HLCS: variants seen among roughly 807,000 people sequenced by gnomAD.
HLCS encodes holocarboxylase synthetase, also known as biotin--protein ligase.
HLCS carries 53 observed loss-of-function variants against 75.0 expected under a neutral mutation model. The ratio of observed to expected loss-of-function variants is 0.71; its 90% CI spans 0.57 to 0.89. The LOEUF (loss-of-function observed/expected upper bound fraction) is 0.89. Ranked by LOEUF, HLCS falls within the 40% of genes least tolerant of loss-of-function variation. The probability of loss-of-function intolerance (pLI) is 0.00; values close to 1 mark genes in which losing one functional copy is unlikely to be tolerated. For missense variants in HLCS, 966 were observed against 1,074.0 expected (o/e 0.90, Z 1.41); for synonymous variants, 431 against 428.6 (o/e 1.01, Z -0.07).
intron 1 of HLCS, among the ~76,000 whole-genome samples, chr21:36,984,938 G>C (rs1181494231): frequency 1.3e-5 from 2 of 151,180 alleles, no homozygotes; most frequent in Non-Finnish European, 2.9e-5. Flanking sequence ...ACCTTGGAAA[G>C]CAACAGCACA....
rs1039383789 is a variant in HLCS at position 36,950,934 on chromosome 21, T to G, written c.330+11102A>C. Among the ~76,000 whole-genome samples the G allele has an allele frequency of 3.3e-5, 5 of 152,290 alleles. No homozygotes were observed. The South Asian group carries it at 1.0e-3, about 32-fold the overall frequency. Reference sequence around the variant, plus strand: ...TTCTGGGCCCTTGTGTAACTTCAGCTCTAGTCCTTGTGCTGACACCATTGG... The same window carrying G: ...TTCTGGGCCCTTGTGTAACTTCAGCGCTAGTCCTTGTGCTGACACCATTGG... On this transcript the variant is annotated intron_variant, in intron 2 of 10. Transcript: ENST00000674895.
intron 6 of HLCS, among the ~76,000 whole-genome samples, chr21:36,834,205 T>C (rs920806347): frequency 1.3e-5 from 2 of 152,176 alleles, no homozygotes; most frequent in Non-Finnish European, 1.5e-5. Context: ...ACACTGCAGC[T>C]CTTCATGAAT....
At chr21:36,935,454 A>G (rs2066836122) in intron 4 of HLCS, among the ~76,000 whole-genome samples, 1 of 152,224 alleles carries the variant, frequency 6.6e-6, no homozygotes, top group South Asian at 2.1e-4. Flanking sequence ...CTTAGCTTCC[A>G]GGAGAACTGG....
At chr21:36,952,531 C>T (rs1313786246) in intron 2 of HLCS, among the ~76,000 whole-genome samples, 2 of 152,116 alleles carry the variant, frequency 1.3e-5, no homozygotes, top group Non-Finnish European at 2.9e-5. Context: ...CGGTGGCTCA[C>T]GCCCGTAATC....
chr21:36,795,939 TC>T (rs1299381689), intron 6 of HLCS, among the ~76,000 whole-genome samples: 1 of 152,276 alleles, frequency 6.6e-6, no homozygotes, highest in Non-Finnish European at 1.5e-5. Flanking sequence ...TAGAAAAGCA[TC>T]TTTTTAATTT....
chr21:36,754,129 A>G lies in HLCS; in HGVS notation c.*117T>C, dbSNP rs2089462692. 8.9e-7 allele frequency: 1 copy of G among 1,123,590 alleles called. No homozygotes were observed. Among genetic ancestry groups the G allele is most frequent in the Non-Finnish European group, 1.3e-6 (1 of 772,760 alleles). The allele number at this position is 1,123,590 out of a possible 1,614,324, so 69.6% of individuals were successfully genotyped here. ...ACCTAAAAACAAACAGAAACACAGA[A>G]AAAGAACAAAGACTTAACAAATGAA... On this transcript the variant is annotated 3_prime_UTR_variant, in exon 11 of 11. Transcript: ENST00000674895.
At chr21:36,880,207 T>C (rs758505692) in intron 6 of HLCS, among the ~76,000 whole-genome samples, 32 of 152,148 alleles carry the variant, frequency 2.1e-4, no homozygotes, top group Non-Finnish European at 3.8e-4. Flanking sequence ...CCTGTAATCT[T>C]ACAACGGTGC....
chr21:36,936,438 G>A lies in HLCS; in HGVS notation c.1437+11C>T. On this transcript the variant is annotated intron_variant, in intron 4 of 10. Transcript: ENST00000674895. ...ACCCAAAGATCACCAAATCCATGCTGCCCTGAGTACCTGGCAAAGAACAGC... is the reference window on the plus strand; with the variant it reads ...ACCCAAAGATCACCAAATCCATGCTACCCTGAGTACCTGGCAAAGAACAGC... 6.2e-7 allele frequency: 1 copy of A among 1,604,910 alleles called. No homozygotes were observed. Among genetic ancestry groups the A allele is most frequent in the East Asian group, 2.2e-5 (1 of 44,844 alleles).
At chr21:36,903,665 G>A (rs2065330689) in intron 5 of HLCS, among the ~76,000 whole-genome samples, 1 of 152,194 alleles carries the variant, frequency 6.6e-6, no homozygotes. Flanking sequence ...ATCCTCTAAA[G>A]TGAATCATCC....
At position 36,841,786 on chromosome 21, in the gene HLCS, A is replaced by T. The variant is rs533462061; in HGVS notation, c.1892+55074T>A. ...CTCAACTGGCTGGGCTCTGTTCTGC[A>T]GCCACAGGGTAGGCCTGGCATCCCA... On this transcript the variant is annotated intron_variant, in intron 6 of 10. Transcript: ENST00000674895. 7.2e-5 allele frequency among the ~76,000 whole-genome samples: 11 copies of T among 152,354 alleles called. No individual in the cohort carries two copies. The South Asian group carries it at 1.7e-3, about 23-fold the overall frequency.
At chr21:36,808,772 C>G (rs1007905613) in intron 6 of HLCS, among the ~76,000 whole-genome samples, 1 of 152,196 alleles carries the variant, frequency 6.6e-6, no homozygotes, top group Non-Finnish European at 1.5e-5. Flanking sequence ...GACCTGAGTT[C>G]CCAACTGGTA....
At chr21:36,979,661 T>C (rs2069052702) in intron 1 of HLCS, among the ~76,000 whole-genome samples, 1 of 152,154 alleles carries the variant, frequency 6.6e-6, no homozygotes, top group African/African-American at 2.4e-5. Flanking sequence ...ACACCTATAA[T>C]GCCAGCACTT....
intron 6 of HLCS, among the ~76,000 whole-genome samples, chr21:36,862,917 AT>A (rs2063428215): frequency 2.0e-5 from 3 of 150,738 alleles, no homozygotes; most frequent in Non-Finnish European, 4.4e-5. Context: ...TACGCCCCTA[AT>A]TCAACACTTG....
chr21:36,918,907 T>C (rs1476591117), intron 5 of HLCS, among the ~76,000 whole-genome samples: 1 of 152,238 alleles, frequency 6.6e-6, no homozygotes, highest in Non-Finnish European at 1.5e-5. Flanking sequence ...GTGCTTATTA[T>C]ACACAATGCA....
At chr21:36,971,395 G>C (rs866776925), upstream of HLCS, among the ~76,000 whole-genome samples, 18 of 152,116 alleles carry the variant, frequency 1.2e-4, no homozygotes, top group African/African-American at 3.9e-4. Context: ...AGATAAGCTG[G>C]AACATCTTAT....
Position 36,937,047 on chromosome 21 carries a change from T to C in HLCS, c.839A>G (p.Tyr280Cys). Reference protein sequence around the residue: ...ASAENIPDLPYDYSSSLESVA... With the variant: ...ASAENIPDLPCDYSSSLESVA... ...ACTCTCCAAACTGCTGCTATAATCG[T>C]AGGGAAGGTCTGGAATGTTCTCGGC... The change falls in exon 4 of 11, where the codon TAC (tyrosine) becomes TGC (cysteine). Residue 280 changes from tyrosine (Y) to cysteine (C), a missense_variant. Transcript: ENST00000674895. 1 of 1,614,026 alleles carries C rather than the reference T, an allele frequency of 6.2e-7. No homozygotes were observed. The highest frequency in any genetic ancestry group is 8.5e-7 in the Non-Finnish European group (1 of 1,179,990).
intron 6 of HLCS, among the ~76,000 whole-genome samples, chr21:36,868,969 C>T (rs1233210743): frequency 6.6e-6 from 1 of 152,226 alleles, no homozygotes; most frequent in East Asian, 1.9e-4. Context: ...CAATGAAAAA[C>T]TGAGGCACCG....
At chr21:36,761,291 G>A (rs1013594482) in intron 8 of HLCS, among the ~76,000 whole-genome samples, 1 of 152,156 alleles carries the variant, frequency 6.6e-6, no homozygotes, top group African/African-American at 2.4e-5. Context: ...TATGCTACGC[G>A]GCCTGTTGCT....
At position 36,748,654 on chromosome 21, in the gene HLCS, T is replaced by C. The variant is rs557139156; in HGVS notation, c.*5592A>G. On this transcript the variant is annotated 3_prime_UTR_variant, in exon 11 of 11. Coordinates refer to ENST00000674895, the MANE Select transcript of HLCS (RefSeq NM_001352514.2). ...CATTATTTTTGTTTTTATTTAACCC[T>C]TTCTTCAATACAAAAAGCCAACAAA... 1 of 152,610 alleles carries C rather than the reference T, an allele frequency of 6.6e-6. No individual in the cohort carries two copies. Among genetic ancestry groups the C allele is most frequent in the Non-Finnish European group, 1.5e-5 (1 of 68,032 alleles). 9.5% of individuals were successfully genotyped at this position (152,610 alleles called of 1,614,324 possible).
Sources: allele counts gnomAD v4.1 joint callset (sites outside exome capture counted in the v4.1 genomes callset), GRCh38; gene constraint gnomAD v4.1.1; transcripts MANE v1.5; gene names NCBI Gene and HGNC (gene_info 2026-07-23, HGNC 2026-07-21).